LRRIQ3: variants seen among roughly 807,000 people sequenced by gnomAD.
The protein encoded by LRRIQ3 is leucine-rich repeat and IQ domain-containing protein 3.
A neutral mutation model predicts 59.3 loss-of-function variants in LRRIQ3; 75 were observed. The ratio of observed to expected loss-of-function variants is 1.26; its 90% CI spans 1.05 to 1.53. The LOEUF (loss-of-function observed/expected upper bound fraction) is 1.53, where lower values mean the gene tolerates loss of function less well. Among genes scored for constraint, LRRIQ3 ranks in the 40% most tolerant of loss-of-function variants. The pLI, the probability that LRRIQ3 is intolerant of heterozygous loss-of-function variation, is 0.00. For missense variants in LRRIQ3, 831 were observed against 710.0 expected (o/e 1.17, Z -1.94); for synonymous variants, 250 against 231.3 (o/e 1.08, Z -0.73).
intron 4 of LRRIQ3, among the ~76,000 whole-genome samples, chr1:74,147,601 A>T (rs981896394): frequency 6.6e-6 from 1 of 152,186 alleles, no homozygotes; most frequent in Non-Finnish European, 1.5e-5. Context: ...TAAAAATTTA[A>T]TTTAAAAGGC....
chr1:74,127,641 T>C, intron 4 of LRRIQ3, among the ~76,000 whole-genome samples: 1 of 152,084 alleles, frequency 6.6e-6, no homozygotes, highest in Admixed American at 6.6e-5. Flanking sequence ...TTTAACTTTT[T>C]GTTGCTTCTA....
intron 1 of LRRIQ3, among the ~76,000 whole-genome samples, chr1:74,186,738 CT>C (rs530675305): frequency 4.0e-5 from 6 of 151,712 alleles, no homozygotes; most frequent in East Asian, 1.9e-4. Context: ...AATTCAATGC[CT>C]TTTTTTTCCA....
chr1:74,135,202 C>A (rs1447179941), intron 4 of LRRIQ3, among the ~76,000 whole-genome samples: 2 of 151,732 alleles, frequency 1.3e-5, no homozygotes, highest in Non-Finnish European at 2.9e-5. Context: ...CAGGTACACA[C>A]AACAATTCTA....
chr1:74,059,208 G>A (rs1262113914), intron 6 of LRRIQ3, among the ~76,000 whole-genome samples: 2 of 151,906 alleles, frequency 1.3e-5, no homozygotes, highest in Non-Finnish European at 2.9e-5. Flanking sequence ...CAACTTTGAT[G>A]TGGTTCAATC....
At chr1:74,077,383 T>C (rs1271109001) in intron 5 of LRRIQ3, among the ~76,000 whole-genome samples, 5 of 151,882 alleles carry the variant, frequency 3.3e-5, no homozygotes, top group Admixed American at 3.3e-4. Context: ...CATGATAAAA[T>C]AATGAGTATG....
At chr1:74,177,641 A>G (rs1649725373) in intron 3 of LRRIQ3, among the ~76,000 whole-genome samples, 1 of 151,936 alleles carries the variant, frequency 6.6e-6, no homozygotes, top group Non-Finnish European at 1.5e-5. Context: ...TATGTTTATT[A>G]CATATAATAT....
At chr1:74,122,661 C>T (rs960187329) in intron 4 of LRRIQ3, among the ~76,000 whole-genome samples, 1 of 152,072 alleles carries the variant, frequency 6.6e-6, no homozygotes, top group Non-Finnish European at 1.5e-5. Context: ...TTCCTTACAC[C>T]TTATACAAAA....
intron 4 of LRRIQ3, chr1:74,138,654 T>C (rs572039966): frequency 1.2e-4 from 21 of 177,376 alleles, no homozygotes; most frequent in Non-Finnish European, 2.2e-4. Context: ...AACAAGTGGA[T>C]TGAGAAACTA....
chr1:74,175,582 T>G (rs1006407687), intron 3 of LRRIQ3, among the ~76,000 whole-genome samples: 5 of 152,084 alleles, frequency 3.3e-5, no homozygotes, highest in Admixed American at 6.6e-5. Context: ...AATTGTTCCT[T>G]TTATCCTTTT....
chr1:74,041,849 GA>G lies in LRRIQ3; in HGVS notation c.1081del (p.Ser361GlnfsTer4). ...TACTGCATTATTCTTCAATGAACCT[GA>G]AGTGTATATGGGTAGTTTGAAAACT... is the stretch of plus-strand genomic sequence containing the variant. ...ISVFKLPIYTSGSLKNNAVLR... is the reference protein window; with the variant it reads ...ISVFKLPIYTXGSLKNNAVLR... On this transcript the variant is annotated frameshift_variant, in exon 7 of 8. Coordinates refer to ENST00000354431, the MANE Select transcript of LRRIQ3 (RefSeq NM_001105659.2). LOFTEE classifies it high-confidence loss of function. The G allele has an allele frequency of 6.2e-7, 1 of 1,613,330 alleles. No individual in the cohort carries two copies. The highest frequency in any genetic ancestry group is 8.5e-7 in the Non-Finnish European group (1 of 1,179,674).
At chr1:74,041,960 A>G in intron 6 of LRRIQ3, 27 bp from the exon 7 acceptor site, 1 of 1,540,840 alleles carries the variant, frequency 6.5e-7, no homozygotes, top group African/African-American at 1.4e-5. Context: ...CAAATATTAT[A>G]CATTATACAA....
chr1:74,041,427 CT>C lies in LRRIQ3; in HGVS notation c.1503del (p.Ala502LeufsTer4). Reference protein sequence around the residue: ...FNYLEKARERKALFLKEKSQK... With the variant: ...FNYLEKARERXALFLKEKSQK... ...TGGGATTTTTCTTTTAGAAACAGAG[CT>C]TTTCTCTCTCTAGCTTTTTCAAGGT... On this transcript the variant is annotated frameshift_variant, in exon 7 of 8. Transcript: ENST00000354431. LOFTEE classifies it high-confidence loss of function. The C allele has an allele frequency of 6.2e-7, 1 of 1,613,644 alleles. No homozygotes were observed. Among genetic ancestry groups the C allele is most frequent in the Non-Finnish European group, 8.5e-7 (1 of 1,179,838 alleles).
intron 4 of LRRIQ3, among the ~76,000 whole-genome samples, chr1:74,113,067 TAAAAG>T (rs995483422): frequency 5.5e-4 from 83 of 151,790 alleles, no homozygotes; most frequent in African/African-American, 2.0e-3. Context: ...TAAATACACT[TAAAAG>T]AAATCAAATA....
At chr1:74,047,546 C>T (rs1441148750) in intron 6 of LRRIQ3, among the ~76,000 whole-genome samples, 1 of 151,898 alleles carries the variant, frequency 6.6e-6, no homozygotes, top group Non-Finnish European at 1.5e-5. Flanking sequence ...ACCTATGGAA[C>T]AAACCTGCAC....
At position 74,041,305 on chromosome 1, in the gene LRRIQ3, C is replaced by T. The variant is rs751111229; in HGVS notation, c.1626G>A (p.Glu542=). The T allele has an allele frequency of 7.4e-6, 12 of 1,613,604 alleles. No individual in the cohort carries two copies. The South Asian group carries it at 1.2e-4, about 16-fold the overall frequency. ...TCAGGCTTTTCTCTTTTAGGACAGC[C>T]TCATTCTTCTCCAGTCTGTCAATTT... The part of the protein sequence containing the change: ...LLKIDRLEKN[E]AVLKEKSLIV... Residue 542 remains glutamate, a synonymous_variant, in exon 7 of 8, where the codon GAG becomes GAA. Transcript: ENST00000354431.
chr1:74,188,404 C>A (rs1043903933), intron 1 of LRRIQ3, among the ~76,000 whole-genome samples: 2 of 152,142 alleles, frequency 1.3e-5, no homozygotes, highest in Non-Finnish European at 2.9e-5. Flanking sequence ...GTACATCTAT[C>A]CCTGAACTTA....
intron 5 of LRRIQ3, among the ~76,000 whole-genome samples, chr1:74,098,549 C>T (rs191471183): frequency 1.3e-5 from 2 of 152,114 alleles, no homozygotes; most frequent in Non-Finnish European, 2.9e-5. Context: ...CTGCACCAAG[C>T]AGACCTAATA....
chr1:74,084,273 A>T (rs917942772), intron 5 of LRRIQ3: 2 of 1,483,464 alleles, frequency 1.3e-6, no homozygotes, highest in African/African-American at 1.4e-5. Context: ...TAAACTCTTG[A>T]GGTGTACCAT....
At chr1:74,078,464 G>A (rs1053333492) in intron 5 of LRRIQ3, among the ~76,000 whole-genome samples, 2 of 151,800 alleles carry the variant, frequency 1.3e-5, no homozygotes, top group Non-Finnish European at 2.9e-5. Context: ...AATAAATATT[G>A]CAGTTGGGCA....
Sources: gnomAD v4.1 joint callset for allele counts (sites outside exome capture counted in the v4.1 genomes callset) on GRCh38, gnomAD v4.1.1 for gene constraint, MANE v1.5 for transcripts, NCBI Gene and HGNC (gene_info 2026-07-23, HGNC 2026-07-21) for gene names.